The following WHR1 variants were observed in gnomAD, a reference collection of about 807,000 sequenced individuals.
WHR1 encodes the protein MHC class III HLA-RP1.
the WHR1 span, chr6:31,979,324 G>A: frequency 4.5e-6 from 7 of 1,558,916 alleles, no homozygotes; most frequent in Non-Finnish European, 6.1e-6. Flanking sequence ...TGAGCAAGAG[G>A]TAAGACAGGA....
the WHR1 span, among the ~76,000 whole-genome samples, chr6:31,974,525 C>T: frequency 6.6e-6 from 1 of 152,134 alleles, no homozygotes; most frequent in South Asian, 2.1e-4. Flanking sequence ...TGAGACCAGC[C>T]TGGGCAACAA....
the WHR1 span, chr6:31,972,090 A>G: frequency 6.2e-7 from 1 of 1,610,420 alleles, no homozygotes; most frequent in African/African-American, 1.3e-5. This position sits in a 1 kb window ranked among gnomAD's most constrained non-coding sequence, Gnocchi z 6.3. Flanking sequence ...GAGCTTCACG[A>G]AGGAGGTTGA....
the WHR1 span, among the ~76,000 whole-genome samples, chr6:31,979,198 G>A: frequency 7.6e-6 from 1 of 131,462 alleles, no homozygotes; most frequent in African/African-American, 2.8e-5. Flanking sequence ...GGTAAAGAGG[G>A]GGGGAGAGGA....
the WHR1 span, among the ~76,000 whole-genome samples, chr6:31,977,038 G>A: frequency 1.3e-5 from 2 of 152,212 alleles, no homozygotes; most frequent in Non-Finnish European, 2.9e-5. Context: ...ACCGTGGAAA[G>A]GATAATTCCA....
chr6:31,978,365 T>C, the WHR1 span, among the ~76,000 whole-genome samples: 1 of 152,158 alleles, frequency 6.6e-6, no homozygotes, highest in Non-Finnish European at 1.5e-5. Flanking sequence ...CTCGAACTCC[T>C]GTCCTCAATT....
At chr6:31,976,532 C>T in the WHR1 span, among the ~76,000 whole-genome samples, 3 of 151,732 alleles carry the variant, frequency 2.0e-5, no homozygotes, top group East Asian at 1.9e-4. Context: ...GGATGGCGGC[C>T]GGGCAGAGAC....
At chr6:31,978,246 T>G in the WHR1 span, among the ~76,000 whole-genome samples, 1 of 151,972 alleles carries the variant, frequency 6.6e-6, no homozygotes, top group African/African-American at 2.4e-5. Flanking sequence ...CTTGCCTTAG[T>G]CTCCCAAGTA....
the WHR1 span, among the ~76,000 whole-genome samples, chr6:31,977,400 T>C: frequency 1.3e-5 from 2 of 150,628 alleles, no homozygotes; most frequent in East Asian, 4.0e-4. Context: ...TGGAGTTCAG[T>C]GGCATGATCT....
At chr6:31,973,070 C>T in the WHR1 span, 1 of 627,540 alleles carries the variant, frequency 1.6e-6, no homozygotes, top group Non-Finnish European at 3.0e-6. Flanking sequence ...TTCCATCTTA[C>T]ACTGAGGCGA....
At chr6:31,978,883 T>G in the WHR1 span, 3 of 1,611,852 alleles carry the variant, frequency 1.9e-6, no homozygotes, top group Non-Finnish European at 2.5e-6. Flanking sequence ...CTCTTTTCAC[T>G]CTCTTCTCTG....
chr6:31,971,619 C>T, the WHR1 span: 1 of 1,612,704 alleles, frequency 6.2e-7, no homozygotes, highest in Non-Finnish European at 8.5e-7. The surrounding 1 kb of genome is among the most constrained non-coding windows in gnomAD (Gnocchi z 4.5). Context: ...GTAGTTTGTT[C>T]CGAGGCTCAG....
the WHR1 span, among the ~76,000 whole-genome samples, chr6:31,975,311 C>T: frequency 9.2e-5 from 14 of 151,482 alleles, no homozygotes; most frequent in African/African-American, 3.2e-4. Flanking sequence ...AAGCAATTCT[C>T]CTGCCTCACT....
the WHR1 span, chr6:31,971,388 G>T: frequency 3.8e-6 from 6 of 1,584,676 alleles, no homozygotes; most frequent in Non-Finnish European, 3.4e-6. The surrounding 1 kb of genome is among the most constrained non-coding windows in gnomAD (Gnocchi z 4.5). Context: ...GGACCTCCTC[G>T]TCCCGGGGCT....
the WHR1 span, among the ~76,000 whole-genome samples, chr6:31,975,201 C>CTTTT: frequency 1.5e-5 from 2 of 136,928 alleles, no homozygotes; most frequent in Non-Finnish European, 3.2e-5. Flanking sequence ...TTAGTTTTCC[C>CTTTT]TTTTTTTTTT....
chr6:31,972,635 GCTGT>G, the WHR1 span: 2 of 1,609,004 alleles, frequency 1.2e-6, no homozygotes, highest in Non-Finnish European at 1.7e-6. The surrounding 1 kb of genome is among the most constrained non-coding windows in gnomAD (Gnocchi z 6.3). Flanking sequence ...GGCGCGCGCG[GCTGT>G]CTCAGAACTC....
the WHR1 span, among the ~76,000 whole-genome samples, chr6:31,974,569 C>G: frequency 6.6e-6 from 1 of 152,068 alleles, no homozygotes; most frequent in Non-Finnish European, 1.5e-5. Flanking sequence ...TAACTGAGAT[C>G]CCATCTCTAC....
At chr6:31,977,511 GT>G in the WHR1 span, among the ~76,000 whole-genome samples, 34 of 143,646 alleles carry the variant, frequency 2.4e-4, no homozygotes, top group South Asian at 4.4e-4. Flanking sequence ...CTGGCTAATT[GT>G]TTTTTTTTTT....
chr6:31,981,079 A>C, the WHR1 span: 1 of 443,556 alleles, frequency 2.3e-6, no homozygotes, highest in Non-Finnish European at 3.8e-6. Context: ...TCAGCTCCTC[A>C]GAGTGGGCCG....
At chr6:31,977,925 C>G in the WHR1 span, among the ~76,000 whole-genome samples, 2 of 151,944 alleles carry the variant, frequency 1.3e-5, no homozygotes, top group Admixed American at 1.3e-4. Flanking sequence ...GTAGCTGGGA[C>G]TACAGGCACA....
Sources: allele counts gnomAD v4.1 joint callset (sites outside exome capture counted in the v4.1 genomes callset), GRCh38; gene constraint gnomAD v4.1.1; non-coding constraint Gnocchi (gnomAD v3.1); transcripts MANE v1.5; gene names NCBI Gene and HGNC (gene_info 2026-07-23, HGNC 2026-07-21).